ABTB2: variants seen among roughly 807,000 people sequenced by gnomAD.
ABTB2 encodes the protein ankyrin repeat and BTB domain containing 2.
ABTB2 carries 56 observed loss-of-function variants against 104.1 expected under a neutral mutation model. That is an observed-to-expected ratio of 0.54 (90% CI 0.43 to 0.67). The LOEUF (loss-of-function observed/expected upper bound fraction) is 0.67, where lower values mean the gene tolerates loss of function less well. Ranked by LOEUF, ABTB2 falls within the 30% of genes least tolerant of loss-of-function variation. ABTB2 has a pLI of 0.00. For synonymous variants in ABTB2, 606 were observed against 608.2 expected (o/e 1.00, Z 0.05); for missense variants, 1,279 against 1,407.7 (o/e 0.91, Z 1.46).
chr11:34,301,078 C>G (rs911955417), intron 1 of ABTB2, among the ~76,000 whole-genome samples: 5 of 152,180 alleles, frequency 3.3e-5, no homozygotes, highest in African/African-American at 1.2e-4. Flanking sequence ...TCTCATGTCT[C>G]TCTGTCCGAT....
At chr11:34,166,385 G>A (rs576182315) in intron 7 of ABTB2, among the ~76,000 whole-genome samples, 2 of 152,392 alleles carry the variant, frequency 1.3e-5, no homozygotes, top group South Asian at 4.1e-4. Context: ...ACTAGGCACG[G>A]ATCCAGGCAA....
At chr11:34,299,544 C>T (rs773395283) in intron 1 of ABTB2, among the ~76,000 whole-genome samples, 9 of 152,228 alleles carry the variant, frequency 5.9e-5, no homozygotes, top group Non-Finnish European at 1.0e-4. Flanking sequence ...GAGGTGGCAG[C>T]TCGGCCCATC....
chr11:34,258,605 CTT>C (rs35853565), intron 1 of ABTB2, among the ~76,000 whole-genome samples: 4 of 95,170 alleles, frequency 4.2e-5, no homozygotes, highest in South Asian at 3.7e-4. Flanking sequence ...AGTGCCTGCT[CTT>C]TTTTTTTTTT....
At chr11:34,305,158 C>T (rs932595243) in intron 1 of ABTB2, among the ~76,000 whole-genome samples, 1 of 152,220 alleles carries the variant, frequency 6.6e-6, no homozygotes, top group Non-Finnish European at 1.5e-5. Context: ...TACACTTGAT[C>T]TAGAAGAGGC....
At chr11:34,203,234 C>T (rs562621718) in intron 2 of ABTB2, among the ~76,000 whole-genome samples, 2 of 152,326 alleles carry the variant, frequency 1.3e-5, no homozygotes, top group South Asian at 4.1e-4. Context: ...CTTCTCTAAG[C>T]CTCAGTTCTC....
chr11:34,187,864 G>A (rs906908614), intron 3 of ABTB2, among the ~76,000 whole-genome samples: 18 of 152,118 alleles, frequency 1.2e-4, no homozygotes, highest in African/African-American at 4.1e-4. Context: ...AAGGAGGGAG[G>A]GATGGATGAG....
intron 1 of ABTB2, among the ~76,000 whole-genome samples, chr11:34,330,291 A>G (rs751717525): frequency 6.6e-6 from 1 of 151,710 alleles, no homozygotes; most frequent in Non-Finnish European, 1.5e-5. Flanking sequence ...TCAAATCCCT[A>G]GTCTACCCTA....
chr11:34,300,798 A>G (rs1854695772), intron 1 of ABTB2, among the ~76,000 whole-genome samples: 1 of 152,238 alleles, frequency 6.6e-6, no homozygotes, highest in African/African-American at 2.4e-5. Flanking sequence ...CAACCCACTA[A>G]GGACTGTAAA....
chr11:34,347,148 A>T (rs1855341586), intron 1 of ABTB2, among the ~76,000 whole-genome samples: 1 of 152,158 alleles, frequency 6.6e-6, no homozygotes, highest in Admixed American at 6.5e-5. Flanking sequence ...TAGAAAGCAA[A>T]CCATGGGCCG....
rs115186216 is a variant in ABTB2 at position 34,290,509 on chromosome 11, T to C, written c.883+66192A>G. Among the ~76,000 whole-genome samples the C allele has an allele frequency of 7.0e-3, 1,063 of 152,258 alleles. 13 individuals carry two copies. The highest frequency in any genetic ancestry group is 0.022 in the African/African-American group (898 of 41,522). ...GCTCATTAACCACATATGGCAGATA[T>C]GAAAATCATCTAGACATCAAGGGCA... On this transcript the variant is annotated intron_variant, in intron 1 of 16. Coordinates refer to ENST00000435224, the MANE Select transcript of ABTB2 (RefSeq NM_145804.3).
chr11:34,255,601 G>A (rs1163500414), intron 1 of ABTB2, among the ~76,000 whole-genome samples: 2 of 151,856 alleles, frequency 1.3e-5, no homozygotes, highest in African/African-American at 2.4e-5. Flanking sequence ...TTCAACTCAA[G>A]TTCAACTTCA....
At position 34,196,217 on chromosome 11, in the gene ABTB2, T is replaced by C. The variant is rs61880424; in HGVS notation, c.1244+1108A>G. Among the ~76,000 whole-genome samples the C allele has an allele frequency of 1.7e-3, 253 of 152,202 alleles. 1 individual carries two copies. Among genetic ancestry groups the C allele is most frequent in the Middle Eastern group, 3.4e-3 (1 of 294 alleles). ...TAAAAAAAATATTATATTTTCCAGG[T>C]AGAAAATTTCAAAAGGCAGCCCTCA... On this transcript the variant is annotated intron_variant, in intron 3 of 16. Coordinates refer to ENST00000435224, the MANE Select transcript of ABTB2 (RefSeq NM_145804.3).
At chr11:34,273,674 A>ACACAGTCT (rs149135583) in intron 1 of ABTB2, among the ~76,000 whole-genome samples, 31,251 of 151,776 alleles carry the variant, frequency 0.21, 4,765 homozygotes, top group African/African-American at 0.42. Flanking sequence ...GACGGTGGCT[A>ACACAGTCT]CACAGTCTGG....
chr11:34,223,125 C>T lies in ABTB2; in HGVS notation c.884-18435G>A, dbSNP rs769810220. On this transcript the variant is annotated intron_variant, in intron 1 of 16. Coordinates refer to ENST00000435224, the MANE Select transcript of ABTB2 (RefSeq NM_145804.3). Reference sequence around the variant, plus strand: ...AGCCAGCTCCCTGTGGGGCTATAAACGTCACATGGACAAGCGGAGAGTGAG... The same window carrying T: ...AGCCAGCTCCCTGTGGGGCTATAAATGTCACATGGACAAGCGGAGAGTGAG... Among the ~76,000 whole-genome samples the T allele has an allele frequency of 7.9e-5, 12 of 152,210 alleles. 1 individual carries two copies. Among genetic ancestry groups the T allele is most frequent in the Non-Finnish European group, 8.8e-5 (6 of 68,042 alleles).
chr11:34,157,078 G>T (rs779895002), intron 14 of ABTB2, among the ~76,000 whole-genome samples: 2 of 152,202 alleles, frequency 1.3e-5, no homozygotes, highest in African/African-American at 4.8e-5. Flanking sequence ...AGTCAATGCG[G>T]TATTTAGGGG....
intron 1 of ABTB2, among the ~76,000 whole-genome samples, chr11:34,303,077 C>T (rs1364534489): frequency 6.6e-6 from 1 of 152,176 alleles, no homozygotes; most frequent in Non-Finnish European, 1.5e-5. Context: ...AACACTTTCT[C>T]AGGTAGGAAC....
chr11:34,288,540 C>A (rs1021578026), intron 1 of ABTB2, among the ~76,000 whole-genome samples: 1 of 120,792 alleles, frequency 8.3e-6, no homozygotes, highest in Non-Finnish European at 2.1e-5. Flanking sequence ...AAAATTGTAA[C>A]AGAACAGACA....
intron 1 of ABTB2, among the ~76,000 whole-genome samples, chr11:34,332,532 G>A (rs908889555): frequency 6.6e-6 from 1 of 152,174 alleles, no homozygotes; most frequent in African/African-American, 2.4e-5. Flanking sequence ...CACAGGGGTA[G>A]ATATTTTGGT....
At chr11:34,270,001 AGACTGAAACTTAC>A (rs1346713338) in intron 1 of ABTB2, among the ~76,000 whole-genome samples, 2 of 152,244 alleles carry the variant, frequency 1.3e-5, no homozygotes, top group African/African-American at 4.8e-5. Context: ...TGGTACAGCC[AGACTGAAACTTAC>A]GTCTTCTGGC....
Sources: gnomAD v4.1 joint callset for allele counts (sites outside exome capture counted in the v4.1 genomes callset) on GRCh38, gnomAD v4.1.1 for gene constraint, MANE v1.5 for transcripts, NCBI Gene and HGNC (gene_info 2026-07-23, HGNC 2026-07-21) for gene names.